ADIPOR2: variants seen among roughly 807,000 people sequenced by gnomAD.
ADIPOR2 encodes the protein adiponectin receptor 2.
ADIPOR2 carries 18 observed loss-of-function variants against 40.9 expected under a neutral mutation model. The ratio of observed to expected loss-of-function variants is 0.44; its 90% CI spans 0.30 to 0.65. ADIPOR2 has a LOEUF of 0.65. Ranked by LOEUF, ADIPOR2 falls within the 30% of genes least tolerant of loss-of-function variation. The pLI is 0.09. For missense variants in ADIPOR2, 283 were observed against 479.2 expected (o/e 0.59, Z 3.82); for synonymous variants, 165 against 166.4 (o/e 0.99, Z 0.06).
intron 1 of ADIPOR2, among the ~76,000 whole-genome samples, chr12:1,748,844 C>T (rs2094762739): frequency 6.6e-6 from 1 of 151,908 alleles, no homozygotes; most frequent in Non-Finnish European, 1.5e-5. Flanking sequence ...TCCCCACACA[C>T]CAAGCAGCAG....
rs554197063 is a variant in ADIPOR2, at chr12:1,701,897, G to A, written c.-87+10706G>A. ...AGCACTTTGGGAGGCTGAGGTGGGC[G>A]GATCACCTGAGGTCAGGAGTTTGAG... On this transcript the variant is annotated intron_variant, in intron 1 of 7. Transcript: ENST00000357103. Among the ~76,000 whole-genome samples the A allele has an allele frequency of 4.8e-3, 733 of 152,230 alleles. 8 individuals are homozygous for A. The highest frequency in any genetic ancestry group is 0.017 in the African/African-American group (706 of 41,530).
intron 1 of ADIPOR2, among the ~76,000 whole-genome samples, chr12:1,734,396 G>C (rs564153952): frequency 1.3e-5 from 2 of 152,242 alleles, no homozygotes; most frequent in Admixed American, 1.3e-4. Flanking sequence ...TCTTTTGGCT[G>C]CATAAATGTC....
At chr12:1,777,319 C>T (rs1009805119) in intron 3 of ADIPOR2, among the ~76,000 whole-genome samples, 1 of 151,688 alleles carries the variant, frequency 6.6e-6, no homozygotes, top group Admixed American at 6.6e-5. Flanking sequence ...TAGGGCATTT[C>T]CTATAAATTT....
chr12:1,736,840 A>G (rs1243317136), intron 1 of ADIPOR2, among the ~76,000 whole-genome samples: 1 of 152,230 alleles, frequency 6.6e-6, no homozygotes, highest in Non-Finnish European at 1.5e-5. Flanking sequence ...TTCAAAAAAC[A>G]TCTTTATTTC....
chr12:1,766,592 C>T (rs1379458059), intron 2 of ADIPOR2, among the ~76,000 whole-genome samples: 1 of 152,152 alleles, frequency 6.6e-6, no homozygotes, highest in Non-Finnish European at 1.5e-5. Context: ...ACTATATTTG[C>T]TAAAGTATAT....
At chr12:1,697,944 A>G (rs1343556827) in intron 1 of ADIPOR2, 2 of 152,320 alleles carry the variant, frequency 1.3e-5, no homozygotes, top group Non-Finnish European at 2.9e-5. Context: ...TGTAGTGTAT[A>G]TAGTACTGCT....
intron 1 of ADIPOR2, among the ~76,000 whole-genome samples, chr12:1,716,377 G>A (rs1035490741): frequency 4.6e-5 from 7 of 152,192 alleles, no homozygotes; most frequent in Non-Finnish European, 1.0e-4. Context: ...AATATGACCA[G>A]AAACTGAAAC....
At chr12:1,738,077 T>G (rs2154442811) in intron 1 of ADIPOR2, among the ~76,000 whole-genome samples, 1 of 151,976 alleles carries the variant, frequency 6.6e-6, no homozygotes, top group African/African-American at 2.4e-5. Context: ...ACCTTATTAG[T>G]TTTAGTAGTT....
intron 1 of ADIPOR2, among the ~76,000 whole-genome samples, chr12:1,717,346 C>G (rs774665065): frequency 1.1e-4 from 16 of 152,044 alleles, no homozygotes; most frequent in Non-Finnish European, 2.2e-4. Context: ...ATGTAATACC[C>G]TCATCTTTAG....
intron 2 of ADIPOR2, among the ~76,000 whole-genome samples, 185 bp downstream of exon 2, chr12:1,754,699 T>TGCTAC (rs1862079322): frequency 9.7e-6 from 1 of 103,542 alleles, no homozygotes; most frequent in Admixed American, 1.2e-4. Flanking sequence ...ATTATTATTA[T>TGCTAC]TACTACTACT....
At chr12:1,714,670 C>G (rs2094684181) in intron 1 of ADIPOR2, among the ~76,000 whole-genome samples, 1 of 152,108 alleles carries the variant, frequency 6.6e-6, no homozygotes, top group African/African-American at 2.4e-5. Context: ...CGGTGGGGAT[C>G]CACACTGAGA....
chr12:1,740,081 G>A (rs1462447774), intron 1 of ADIPOR2, among the ~76,000 whole-genome samples: 1 of 151,838 alleles, frequency 6.6e-6, no homozygotes, highest in African/African-American at 2.4e-5. Flanking sequence ...CAGCCTGGGC[G>A]ACAAGAGCGA....
intron 4 of ADIPOR2, 70 bp from the exon 5 acceptor site, chr12:1,780,381 C>G (rs1196049357): frequency 2.6e-5 from 35 of 1,352,734 alleles, no homozygotes; most frequent in Non-Finnish European, 3.4e-5. Flanking sequence ...GGATTGAAAA[C>G]AGAATCAGTT....
chr12:1,691,795 A>G (rs1463709298), intron 1 of ADIPOR2, among the ~76,000 whole-genome samples: 1 of 152,116 alleles, frequency 6.6e-6, no homozygotes, highest in African/African-American at 2.4e-5. Context: ...GTTATAAATC[A>G]GTTTTTAGGG....
chr12:1,788,651 T>G lies in ADIPOR2; in HGVS notation c.*2579T>G, dbSNP rs1024636921. 1 of 152,628 alleles carries G rather than the reference T, an allele frequency of 6.6e-6. No individual in the cohort carries two copies. Among genetic ancestry groups the G allele is most frequent in the Admixed American group, 6.5e-5 (1 of 15,288 alleles). 9.5% of individuals were successfully genotyped at this position (152,628 alleles called of 1,614,324 possible). ...TTCCCTACTTGCTGTATTCTCAGTT[T>G]CTAATAAAAAGAACCAAATGAAATA... On this transcript the variant is annotated 3_prime_UTR_variant, in exon 8 of 8. Coordinates refer to ENST00000357103, the MANE Select transcript of ADIPOR2 (RefSeq NM_024551.3).
At chr12:1,735,760 C>G (rs1287800966) in intron 1 of ADIPOR2, among the ~76,000 whole-genome samples, 1 of 152,100 alleles carries the variant, frequency 6.6e-6, no homozygotes, top group Non-Finnish European at 1.5e-5. Flanking sequence ...ATTATTTTGA[C>G]ATACGTCCCA....
In ADIPOR2 at chr12:1,758,491, T is replaced by G. The variant is rs886707035; in HGVS notation, c.171+3977T>G. ...TTGTGTTTTTATTCCTAATGAAAAT[T>G]TGCGTGTGTATGTTGTTTCTCTTTG... On this transcript the variant is annotated intron_variant, in intron 2 of 7. Transcript: ENST00000357103. Among the ~76,000 whole-genome samples, 8 of 152,328 alleles carry G rather than the reference T, an allele frequency of 5.3e-5. No individual in the cohort carries two copies. In the East Asian group the frequency reaches 1.5e-3, roughly 29 times the overall value.
intron 1 of ADIPOR2, among the ~76,000 whole-genome samples, chr12:1,744,419 G>C (rs1320823609): frequency 1.3e-5 from 2 of 150,958 alleles, no homozygotes; most frequent in Admixed American, 6.6e-5. Flanking sequence ...TGTTGTTGTT[G>C]TTTTCTGAGA....
At chr12:1,698,084 G>T (rs2094642872) in intron 1 of ADIPOR2, 1 of 152,226 alleles carries the variant, frequency 6.6e-6, no homozygotes, top group African/African-American at 2.4e-5. Flanking sequence ...AGTTCTCAGA[G>T]AACCCGTACT....
Sources: allele counts gnomAD v4.1 joint callset (sites outside exome capture counted in the v4.1 genomes callset), GRCh38; gene constraint gnomAD v4.1.1; transcripts MANE v1.5; gene names NCBI Gene and HGNC (gene_info 2026-07-23, HGNC 2026-07-21).